Variants in DACH1 observed in about 807,000 individuals in gnomAD.
DACH1 encodes dachshund homolog 1.
Under a neutral mutation model 54.2 loss-of-function variants are expected in DACH1, and 12 were observed. The ratio of observed to expected loss-of-function variants is 0.22; its 90% CI spans 0.14 to 0.36. The LOEUF (loss-of-function observed/expected upper bound fraction) is 0.36. Ranked by LOEUF, DACH1 falls within the 10% of genes least tolerant of loss-of-function variation. The probability of loss-of-function intolerance (pLI) is 1.00; values close to 1 mark genes in which losing one functional copy is unlikely to be tolerated. For missense variants in DACH1, 805 were observed against 929.8 expected, an observed-to-expected ratio of 0.87 and a Z score of 1.75; for synonymous variants, 386 against 366.2, an observed-to-expected ratio of 1.05 and a Z score of -0.62.
rs1877459643 is a variant in DACH1 at position 71,475,734 on chromosome 13, A to T, written c.1986T>A (p.Ala662=). The T allele has an allele frequency of 6.2e-7, 1 of 1,613,376 alleles. No individual in the cohort carries two copies. The highest frequency in any genetic ancestry group is 8.5e-7 in the Non-Finnish European group (1 of 1,179,818). The part of the protein sequence containing the change: ...EQAEQTLKQA[A]STDSLRVLND... ...TTAAGACCCTGAGACTATCTGTTGA[A>T]GCTGCCTGTTTTAGCGTCTGTTCTG... Residue 662 remains alanine, a synonymous_variant, in exon 9 of 11, where the codon GCT becomes GCA. Coordinates refer to ENST00000613252, the MANE Select transcript of DACH1 (RefSeq NM_080759.6).
intron 10 of DACH1, among the ~76,000 whole-genome samples, chr13:71,455,065 C>T (rs1282846261): frequency 6.6e-6 from 1 of 152,180 alleles, no homozygotes; most frequent in Non-Finnish European, 1.5e-5. Context: ...CCAAATGCTG[C>T]CTTTGATTTC....
At chr13:71,550,670 C>A (rs935569367) in intron 6 of DACH1, among the ~76,000 whole-genome samples, 1 of 151,912 alleles carries the variant, frequency 6.6e-6, no homozygotes, top group Admixed American at 6.6e-5. Flanking sequence ...AATAACAAAA[C>A]CAGTGTCTTA....
At chr13:71,816,860 T>A (rs565379554) in intron 1 of DACH1, among the ~76,000 whole-genome samples, 1 of 152,052 alleles carries the variant, frequency 6.6e-6, no homozygotes, top group Admixed American at 6.6e-5. Context: ...AGCTAAATGA[T>A]GAGAACACAT....
chr13:71,746,847 T>C (rs1884621643), intron 1 of DACH1, among the ~76,000 whole-genome samples: 1 of 152,202 alleles, frequency 6.6e-6, no homozygotes, highest in Non-Finnish European at 1.5e-5. Flanking sequence ...TTAGTGAATG[T>C]ATTTATTTTA....
intron 1 of DACH1, among the ~76,000 whole-genome samples, chr13:71,759,934 A>AAGCC (rs1304248544): frequency 2.0e-5 from 3 of 152,190 alleles, no homozygotes; most frequent in Non-Finnish European, 4.4e-5. Context: ...CTCACAATGT[A>AAGCC]AGCCTTTTCT....
chr13:71,841,846 G>T (rs191262847), intron 1 of DACH1, among the ~76,000 whole-genome samples: 1 of 152,240 alleles, frequency 6.6e-6, no homozygotes, highest in African/African-American at 2.4e-5. Context: ...AAATGAAAAT[G>T]ACAAAAGGCA....
intron 6 of DACH1, among the ~76,000 whole-genome samples, chr13:71,500,008 A>G (rs984969348): frequency 1.1e-4 from 17 of 152,130 alleles, no homozygotes; most frequent in Admixed American, 2.6e-4. Context: ...ATTAAAAAAA[A>G]TTTCCAAATC....
At chr13:71,616,122 T>C (rs1454225736) in intron 3 of DACH1, among the ~76,000 whole-genome samples, 2 of 152,168 alleles carry the variant, frequency 1.3e-5, no homozygotes, top group Non-Finnish European at 2.9e-5. Flanking sequence ...GATTTTGTAT[T>C]TTTAATGCTG....
At chr13:71,622,854 T>C (rs1419428487) in intron 3 of DACH1, among the ~76,000 whole-genome samples, 4 of 151,802 alleles carry the variant, frequency 2.6e-5, no homozygotes, top group African/African-American at 4.8e-5. Context: ...TACTCTATTA[T>C]CTAGTCATTA....
At chr13:71,580,975 T>A (rs1235126800) in intron 3 of DACH1, among the ~76,000 whole-genome samples, 1 of 148,880 alleles carries the variant, frequency 6.7e-6, no homozygotes, top group Non-Finnish European at 1.5e-5. Context: ...TTTCCCATTG[T>A]TATTAAGAAA....
chr13:71,767,407 C>T (rs952774091), intron 1 of DACH1, among the ~76,000 whole-genome samples: 32 of 152,124 alleles, frequency 2.1e-4, no homozygotes, highest in African/African-American at 7.5e-4. Context: ...TGAATGACCA[C>T]ATAATAAAAA....
chr13:71,657,650 A>G (rs532257002), intron 2 of DACH1, among the ~76,000 whole-genome samples: 1 of 151,808 alleles, frequency 6.6e-6, no homozygotes, highest in East Asian at 1.9e-4. Flanking sequence ...TTTCTAGTGG[A>G]GACCCACATA....
intron 1 of DACH1, among the ~76,000 whole-genome samples, chr13:71,849,713 G>A (rs9318037): frequency 0.4 from 60,172 of 151,940 alleles, 14,528 homozygotes; most frequent in East Asian, 0.84. Flanking sequence ...CACATGTAGA[G>A]GCCACTGTAC....
chr13:71,490,430 C>G (rs769825210), intron 6 of DACH1, among the ~76,000 whole-genome samples: 6 of 152,172 alleles, frequency 3.9e-5, no homozygotes, highest in Non-Finnish European at 8.8e-5. Context: ...GAAAGAAAAG[C>G]TGGAGAGGGG....
At chr13:71,458,326 A>T (rs1285036785) in intron 10 of DACH1, among the ~76,000 whole-genome samples, 2 of 151,920 alleles carry the variant, frequency 1.3e-5, no homozygotes, top group Non-Finnish European at 2.9e-5. Flanking sequence ...TGTTAATAAT[A>T]TGGCTTCTCA....
At chr13:71,737,270 A>C (rs1411661068) in intron 1 of DACH1, among the ~76,000 whole-genome samples, 1 of 152,150 alleles carries the variant, frequency 6.6e-6, no homozygotes, top group Non-Finnish European at 1.5e-5. Context: ...GGGAGTTCAG[A>C]AGAGAGAACT....
At chr13:71,522,342 G>A (rs1566314339) in intron 6 of DACH1, among the ~76,000 whole-genome samples, 3 of 151,796 alleles carry the variant, frequency 2.0e-5, no homozygotes, top group Non-Finnish European at 2.9e-5. Context: ...TGAGACTTGT[G>A]GATTATAAAT....
chr13:71,532,420 A>C (rs912649716), intron 6 of DACH1, among the ~76,000 whole-genome samples: 2 of 151,978 alleles, frequency 1.3e-5, no homozygotes, highest in Non-Finnish European at 2.9e-5. Context: ...TTGGAAATTT[A>C]CTATTTACTA....
chr13:71,751,859 C>T (rs1224101951), intron 1 of DACH1, among the ~76,000 whole-genome samples: 14 of 152,102 alleles, frequency 9.2e-5, no homozygotes, highest in Non-Finnish European at 1.2e-4. Context: ...AACTTATACA[C>T]TCCTTGTGAT....
Sources: gnomAD v4.1 joint callset for allele counts (sites outside exome capture counted in the v4.1 genomes callset) on GRCh38, gnomAD v4.1.1 for gene constraint, MANE v1.5 for transcripts, NCBI Gene and HGNC (gene_info 2026-07-23, HGNC 2026-07-21) for gene names.